The following ADAM7 variants were observed in gnomAD, a reference collection of about 807,000 sequenced individuals.
The protein encoded by ADAM7 is disintegrin and metalloproteinase domain-containing protein 7.
Under a neutral mutation model 102.9 loss-of-function variants are expected in ADAM7, and 97 were observed. The ratio of observed to expected loss-of-function variants is 0.94; its 90% CI spans 0.80 to 1.12. The LOEUF (loss-of-function observed/expected upper bound fraction) is 1.12. ADAM7 is among the 50% of genes most tolerant of loss of function. The pLI, the probability that ADAM7 is intolerant of heterozygous loss-of-function variation, is 0.00. For missense variants in ADAM7, 991 were observed against 908.7 expected (o/e 1.09, Z -1.16); for synonymous variants, 334 against 304.4 (o/e 1.10, Z -1.01).
intron 2 of ADAM7, among the ~76,000 whole-genome samples, chr8:24,442,832 A>T (rs1818421105): frequency 6.6e-6 from 1 of 152,132 alleles, no homozygotes; most frequent in Non-Finnish European, 1.5e-5. Flanking sequence ...TTTCAGGCTG[A>T]CTTATAACAA....
intron 16 of ADAM7, 75 bp downstream of exon 16, chr8:24,493,304 G>C: frequency 7.5e-7 from 1 of 1,341,418 alleles, no homozygotes; most frequent in Non-Finnish European, 9.9e-7. Flanking sequence ...TACTGTAATT[G>C]CTTCCAAAGA....
rs534553562 is a variant in ADAM7, at chr8:24,489,168, A to C, written c.1101A>C (p.Ala367=). 1 of 1,611,098 alleles carries C rather than the reference A, an allele frequency of 6.2e-7. No individual in the cohort carries two copies. The highest frequency in any genetic ancestry group is 1.7e-5 in the Admixed American group (1 of 59,622). The change falls in exon 12 of 22, where the codon GCA becomes GCC. Residue 367 remains alanine (A), a synonymous_variant. Coordinates refer to ENST00000175238, the MANE Select transcript of ADAM7 (RefSeq NM_003817.4). ...CVMDSDGSIP[A]LKFSKCSQNQ... ...CTCATTCTATCTCTAGCATTCCTGCACTGAAATTCAGTAAATGCAGCCAAA... is the reference window on the plus strand; with the variant it reads ...CTCATTCTATCTCTAGCATTCCTGCCCTGAAATTCAGTAAATGCAGCCAAA...
At chr8:24,499,712 T>C (rs1041652223) in intron 17 of ADAM7, among the ~76,000 whole-genome samples, 6 of 152,166 alleles carry the variant, frequency 3.9e-5, no homozygotes, top group African/African-American at 1.2e-4. Flanking sequence ...CAAAATAATA[T>C]ATTAACACTA....
chr8:24,477,628 G>T (rs1262811441), intron 8 of ADAM7, among the ~76,000 whole-genome samples: 2 of 150,572 alleles, frequency 1.3e-5, no homozygotes, highest in Non-Finnish European at 3.0e-5. Flanking sequence ...GAACTTCTGG[G>T]ATCTGTGATT....
intron 3 of ADAM7, among the ~76,000 whole-genome samples, chr8:24,456,107 CT>C (rs1276266836): frequency 6.6e-5 from 10 of 152,112 alleles, no homozygotes; most frequent in African/African-American, 2.2e-4. Context: ...GCTTTGTACC[CT>C]TTGACCATCA....
chr8:24,470,679 A>G (rs1430439146), intron 7 of ADAM7, among the ~76,000 whole-genome samples: 1 of 152,082 alleles, frequency 6.6e-6, no homozygotes, highest in Non-Finnish European at 1.5e-5. Context: ...ACAGTGCTTC[A>G]CTCATGTGTC....
chr8:24,509,210 G>A lies in ADAM7; in HGVS notation c.*664G>A. 2.0e-6 allele frequency: 2 copies of A among 985,466 alleles called. No individual in the cohort carries two copies. Among genetic ancestry groups the A allele is most frequent in the Non-Finnish European group, 2.4e-6 (2 of 829,970 alleles). 61.0% of individuals were successfully genotyped at this position (985,466 alleles called of 1,614,324 possible). A position where few individuals can be genotyped will look rare whatever the true frequency, so the allele number is the denominator to read the frequency against. On this transcript the variant is annotated 3_prime_UTR_variant, in exon 22 of 22. Transcript: ENST00000175238. Reference sequence around the variant, plus strand: ...CCTTAAGAAGCTGACAGAGAAATCAGAGGGTTACAAGAATTTCAGAAAATT... The same window carrying A: ...CCTTAAGAAGCTGACAGAGAAATCAAAGGGTTACAAGAATTTCAGAAAATT...
intron 5 of ADAM7, 47 bp from the exon 6 acceptor site, chr8:24,466,752 G>C (rs772981326): frequency 6.5e-7 from 1 of 1,543,176 alleles, no homozygotes; most frequent in Non-Finnish European, 8.8e-7. Flanking sequence ...CAATGAAATA[G>C]AGTAATTATA....
At chr8:24,491,778 G>GAGA (rs1241081974) in intron 13 of ADAM7, 125 bp from the exon 14 acceptor site, 5 of 629,118 alleles carry the variant, frequency 7.9e-6, no homozygotes, top group Middle Eastern at 2.8e-4. Context: ...TGATGGAATG[G>GAGA]AGAAGGAAGC....
chr8:24,449,015 G>A (rs1178088569), intron 3 of ADAM7, among the ~76,000 whole-genome samples: 3 of 152,164 alleles, frequency 2.0e-5, no homozygotes, highest in Admixed American at 6.5e-5. Context: ...GTATTCCATG[G>A]TGTATATGTG....
chr8:24,459,310 T>C (rs1016770654), intron 3 of ADAM7, among the ~76,000 whole-genome samples: 3 of 152,004 alleles, frequency 2.0e-5, no homozygotes, highest in African/African-American at 7.2e-5. Context: ...TGTTTCATAA[T>C]ATTATCTTAT....
intron 8 of ADAM7, among the ~76,000 whole-genome samples, chr8:24,481,897 T>C (rs7006845): frequency 0.7 from 105,963 of 152,026 alleles, 37,553 homozygotes; most frequent in Middle Eastern, 0.74. Context: ...AGACTTATGA[T>C]AGTTCGAGGA....
Position 24,509,226 on chromosome 8 carries a change from TC to T in ADAM7, c.*681del. 1 of 985,450 alleles carries T rather than the reference TC, an allele frequency of 1.0e-6. No homozygotes were observed. The highest frequency in any genetic ancestry group is 1.2e-6 in the Non-Finnish European group (1 of 829,976). 61.0% of individuals were successfully genotyped at this position (985,450 alleles called of 1,614,324 possible). A position where few individuals can be genotyped will look rare whatever the true frequency, so the allele number is the denominator to read the frequency against. On this transcript the variant is annotated 3_prime_UTR_variant, in exon 22 of 22. Transcript: ENST00000175238. ...GAGAAATCAGAGGGTTACAAGAATT[TC>T]AGAAAATTTACTCCAAGTGAGAGGA...
Position 24,490,849 on chromosome 8 carries a change from A to ATT in ADAM7, c.1319_1320dup (p.Thr441LeufsTer14). On this transcript the variant is annotated frameshift_variant, in exon 13 of 22. Coordinates refer to ENST00000175238, the MANE Select transcript of ADAM7 (RefSeq NM_003817.4). LOFTEE classifies it high-confidence loss of function. ...CACACACATGTGTACTGAAGCCAGG[A>ATT]TTTACTTGTGCAGAAGGAGAATGCT... The ATT allele has an allele frequency of 6.2e-7, 1 of 1,613,694 alleles. No individual in the cohort carries two copies. The highest frequency in any genetic ancestry group is 8.5e-7 in the Non-Finnish European group (1 of 1,179,746).
chr8:24,465,909 A>T, intron 5 of ADAM7, 134 bp downstream of exon 5: 1 of 547,874 alleles, frequency 1.8e-6, no homozygotes, highest in Non-Finnish European at 3.0e-6. Context: ...GTGCATTTTT[A>T]GCAGTTTCAG....
intron 3 of ADAM7, among the ~76,000 whole-genome samples, chr8:24,447,854 A>T (rs1476852315): frequency 2.0e-5 from 3 of 151,922 alleles, no homozygotes; most frequent in Non-Finnish European, 4.4e-5. Flanking sequence ...AAGGATGAGG[A>T]GCTGTCAAAT....
In ADAM7 at chr8:24,509,272, A is replaced by G. The variant is rs1385231031; in HGVS notation, c.*726A>G. The G allele has an allele frequency of 2.2e-5, 22 of 985,268 alleles. No homozygotes were observed. The highest frequency in any genetic ancestry group is 2.7e-5 in the Non-Finnish European group (22 of 829,950). The allele number at this position is 985,268 out of a possible 1,614,324, so 61.0% of individuals were successfully genotyped here. A position where few individuals can be genotyped will look rare whatever the true frequency, so the allele number is the denominator to read the frequency against. ...AGAGGACATACTCACAACTCCTATG[A>G]AGGGTTTCTAAGGTCTTTGTCCTGT... On this transcript the variant is annotated 3_prime_UTR_variant, in exon 22 of 22. Transcript: ENST00000175238.
chr8:24,503,792 C>A (rs920545130), intron 20 of ADAM7, among the ~76,000 whole-genome samples: 2 of 151,920 alleles, frequency 1.3e-5, no homozygotes, highest in African/African-American at 4.8e-5. Context: ...AACCAAACAC[C>A]GCATGTTCTC....
chr8:24,498,848 T>C (rs7003270), intron 16 of ADAM7, among the ~76,000 whole-genome samples: 5,791 of 151,960 alleles, frequency 0.038, 378 homozygotes, highest in African/African-American at 0.13. Flanking sequence ...AATTGTGGTA[T>C]AATAAACATA....
Sources: allele counts gnomAD v4.1 joint callset (sites outside exome capture counted in the v4.1 genomes callset), GRCh38; gene constraint gnomAD v4.1.1; transcripts MANE v1.5; gene names NCBI Gene and HGNC (gene_info 2026-07-23, HGNC 2026-07-21).